The following PRELID2 variants were observed in gnomAD, a reference collection of about 807,000 sequenced individuals.
The protein encoded by PRELID2 is PRELI domain containing 2, also known as PRELI domain-containing protein 2.
In PRELID2, 25 loss-of-function variants were observed where a neutral mutation model predicts 28.4. That is an observed-to-expected ratio of 0.88 (90% CI 0.64 to 1.23). The LOEUF is 1.23. Ranked by LOEUF, PRELID2 falls within the 50% of genes most tolerant of loss-of-function variation. The pLI is 0.00. For synonymous variants in PRELID2, 76 were observed against 71.6 expected (o/e 1.06, Z -0.31); for missense variants, 201 against 214.4 (o/e 0.94, Z 0.39).
At chr5:145,295,523 C>T in the PRELID2 span, among the ~76,000 whole-genome samples, 2 of 152,024 alleles carry the variant, frequency 1.3e-5, no homozygotes, top group Admixed American at 6.6e-5. Flanking sequence ...TCATGATGAT[C>T]CAAGTGTTGA....
intron 1 of PRELID2, among the ~76,000 whole-genome samples, chr5:145,738,401 T>C (rs1756556639): frequency 6.6e-6 from 1 of 152,166 alleles, no homozygotes; most frequent in Non-Finnish European, 1.5e-5. Flanking sequence ...GCAAACATTT[T>C]TAAGCAGCCA....
chr5:145,381,714 T>C, the PRELID2 span: 1 of 152,276 alleles, frequency 6.6e-6, no homozygotes, highest in Non-Finnish European at 1.5e-5. Context: ...AACTGAGAGA[T>C]TTTTCTGCGA....
intron 1 of PRELID2, among the ~76,000 whole-genome samples, chr5:145,616,066 C>G (rs551253506): frequency 6.6e-6 from 1 of 152,176 alleles, no homozygotes; most frequent in Non-Finnish European, 1.5e-5. Context: ...GAAGATAGGG[C>G]CCCAATCCTT....
chr5:145,646,351 C>T lies in PRELID2; in HGVS notation n.70+118580G>A, dbSNP rs151272689. On this transcript the variant is annotated intron_variant and non_coding_transcript_variant, in intron 1 of 2. Coordinates refer to the PRELID2 transcript ENST00000510259. ...GCTATTGATACTTGTGTATGCTTCA[C>T]GAAGTTCTCGTGCTGTGTTTTTCAA... Among the ~76,000 whole-genome samples, 359 of 152,192 alleles carry T rather than the reference C, an allele frequency of 2.4e-3. 3 individuals are homozygous for T. Among genetic ancestry groups the T allele is most frequent in the African/African-American group, 8.2e-3 (342 of 41,508 alleles).
chr5:145,425,575 A>G, the PRELID2 span, among the ~76,000 whole-genome samples: 1 of 152,238 alleles, frequency 6.6e-6, no homozygotes, highest in African/African-American at 2.4e-5. Flanking sequence ...CTATGCAGCC[A>G]TAAAAAAGAA....
chr5:145,588,393 C>T (rs1303734398), intron 1 of PRELID2, among the ~76,000 whole-genome samples: 1 of 152,022 alleles, frequency 6.6e-6, no homozygotes, highest in Non-Finnish European at 1.5e-5. Flanking sequence ...CTTTCCTTTC[C>T]CATAAAGAAA....
the PRELID2 span, among the ~76,000 whole-genome samples, chr5:145,411,829 T>C: frequency 6.6e-6 from 1 of 152,196 alleles, no homozygotes; most frequent in African/African-American, 2.4e-5. Context: ...TCCTCTGAAA[T>C]CTAGGTGGAG....
chr5:145,583,729 A>G (rs956710743), intron 1 of PRELID2, among the ~76,000 whole-genome samples: 2 of 152,156 alleles, frequency 1.3e-5, no homozygotes, highest in Admixed American at 1.3e-4. Context: ...AATACAGCTA[A>G]CAAGAGAAAT....
chr5:145,271,233 A>G, the PRELID2 span, among the ~76,000 whole-genome samples: 2 of 152,060 alleles, frequency 1.3e-5, no homozygotes, highest in African/African-American at 4.8e-5. Context: ...GGCAAATTCT[A>G]CACTTATATA....
the PRELID2 span, among the ~76,000 whole-genome samples, chr5:145,430,729 A>G: frequency 6.6e-6 from 1 of 152,194 alleles, no homozygotes; most frequent in Non-Finnish European, 1.5e-5. Context: ...CGTTTCATGA[A>G]CATGCATGCT....
At chr5:145,770,812 A>G (rs968687603) in intron 5 of PRELID2, among the ~76,000 whole-genome samples, 2 of 152,256 alleles carry the variant, frequency 1.3e-5, no homozygotes, top group African/African-American at 4.8e-5. Flanking sequence ...ATACTTTTGC[A>G]TACCTGTGCA....
At chr5:145,713,276 C>T (rs1755744138) in intron 1 of PRELID2, among the ~76,000 whole-genome samples, 1 of 148,560 alleles carries the variant, frequency 6.7e-6, no homozygotes, top group Non-Finnish European at 1.5e-5. Context: ...AGAGAAAAAT[C>T]TTAAAAGCAG....
At chr5:145,447,916 A>C in the PRELID2 span, among the ~76,000 whole-genome samples, 4 of 151,380 alleles carry the variant, frequency 2.6e-5, no homozygotes, top group Non-Finnish European at 5.9e-5. Context: ...ATTGTGAATA[A>C]TGCCACAATA....
chr5:145,589,544 T>C (rs1306264788), intron 1 of PRELID2, among the ~76,000 whole-genome samples: 1 of 152,180 alleles, frequency 6.6e-6, no homozygotes, highest in Non-Finnish European at 1.5e-5. Flanking sequence ...ATTTTATTTC[T>C]AGTAAGGCTG....
chr5:145,607,998 T>C (rs572918157), intron 1 of PRELID2, among the ~76,000 whole-genome samples: 1 of 152,098 alleles, frequency 6.6e-6, no homozygotes, highest in Admixed American at 6.5e-5. Flanking sequence ...CATTATGTAA[T>C]GCCCTGCTTT....
chr5:145,764,109 A>T lies in PRELID2; in HGVS notation c.*10+822T>A, dbSNP rs139916366. 3.3e-5 allele frequency among the ~76,000 whole-genome samples: 5 copies of T among 152,304 alleles called. No homozygotes were observed. The East Asian group carries it at 9.6e-4, about 29-fold the overall frequency. On this transcript the variant is annotated intron_variant, in intron 6 of 6. Transcript: ENST00000683046. ...CTCCATCTCAAACAAACAAAAACAAAAAAACCTAAGGCCTATAAATTCTGT... is the reference window on the plus strand; with the variant it reads ...CTCCATCTCAAACAAACAAAAACAATAAAACCTAAGGCCTATAAATTCTGT...
rs112949726 is a variant in PRELID2 at position 145,542,829 on chromosome 5, T to C, written n.71-69514A>G. 2.6e-5 allele frequency among the ~76,000 whole-genome samples: 4 copies of C among 152,076 alleles called. 1 individual carries two copies. The highest frequency in any genetic ancestry group is 9.6e-5 in the African/African-American group (4 of 41,530). ...TTTACTTTCTACCTTTTTCTTTCTT[T>C]CTATTATACATGGTACGCTTTTGTT... is the stretch of plus-strand genomic sequence containing the variant. On this transcript the variant is annotated intron_variant and non_coding_transcript_variant, in intron 1 of 2. Coordinates refer to the PRELID2 transcript ENST00000510259.
chr5:145,566,594 C>T (rs991541887), intron 1 of PRELID2, among the ~76,000 whole-genome samples: 1 of 152,196 alleles, frequency 6.6e-6, no homozygotes, highest in Admixed American at 6.5e-5. Context: ...AATCCCAGCA[C>T]TTTGGGAGGC....
At chr5:145,833,326 G>A (rs1479542717) in intron 1 of PRELID2, among the ~76,000 whole-genome samples, 1 of 152,194 alleles carries the variant, frequency 6.6e-6, no homozygotes. Flanking sequence ...TGAGTTCTGA[G>A]AAGGTGGAGA....
Sources: allele counts gnomAD v4.1 joint callset (sites outside exome capture counted in the v4.1 genomes callset), GRCh38; gene constraint gnomAD v4.1.1; transcripts MANE v1.5; gene names NCBI Gene and HGNC (gene_info 2026-07-23, HGNC 2026-07-21).